GRID2: variants seen among roughly 807,000 people sequenced by gnomAD.
GRID2 encodes glutamate ionotropic receptor delta type subunit 2, also known as glutamate receptor ionotropic, delta-2.
A neutral mutation model predicts 114.8 loss-of-function variants in GRID2; 33 were observed. That is an observed-to-expected ratio of 0.29 (90% CI 0.22 to 0.38). The LOEUF (loss-of-function observed/expected upper bound fraction) is 0.38. GRID2 is among the 10% of genes least tolerant of loss of function. GRID2 has a pLI of 1.00. For missense variants in GRID2, 1,184 were observed against 1,257.7 expected, an observed-to-expected ratio of 0.94 and a Z score of 0.89; for synonymous variants, 505 against 449.9, an observed-to-expected ratio of 1.12 and a Z score of -1.55.
At chr4:93,345,352 A>T (rs1020314654) in intron 8 of GRID2, among the ~76,000 whole-genome samples, 1 of 151,916 alleles carries the variant, frequency 6.6e-6, no homozygotes, top group Admixed American at 6.6e-5. Context: ...CTCTGGTGCA[A>T]AGTGATGTAT....
intron 2 of GRID2, among the ~76,000 whole-genome samples, chr4:93,066,495 A>T (rs1728307841): frequency 6.6e-6 from 1 of 151,896 alleles, no homozygotes; most frequent in South Asian, 2.1e-4. Context: ...CCTCCTCTTA[A>T]ATTAATACAT....
intron 4 of GRID2, among the ~76,000 whole-genome samples, chr4:93,120,674 C>T (rs1241397185): frequency 2.6e-5 from 4 of 152,042 alleles, no homozygotes; most frequent in East Asian, 1.9e-4. Flanking sequence ...ATGATGGGGA[C>T]TGGGCGCGGT....
rs564607344 is a variant in GRID2 at position 93,754,555 on chromosome 4, A to G, written c.2361-14655A>G. 1.2e-3 allele frequency among the ~76,000 whole-genome samples: 180 copies of G among 152,310 alleles called. 1 individual carries two copies. The highest frequency in any genetic ancestry group is 2.1e-3 in the Admixed American group (32 of 15,296). ...TATACCTTTTTGTTCTCATCTAGAAACAAATAGACAGAGTGTAGTATCCAG... is the reference window on the plus strand; with the variant it reads ...TATACCTTTTTGTTCTCATCTAGAAGCAAATAGACAGAGTGTAGTATCCAG... On this transcript the variant is annotated intron_variant, in intron 14 of 15. Transcript: ENST00000282020.
chr4:93,241,462 G>A (rs1249808841), intron 8 of GRID2, among the ~76,000 whole-genome samples: 1 of 151,546 alleles, frequency 6.6e-6, no homozygotes, highest in African/African-American at 2.4e-5. Flanking sequence ...TCAGATTAAG[G>A]AAACTCCATA....
chr4:93,313,370 C>T (rs1277810142), intron 8 of GRID2, among the ~76,000 whole-genome samples: 1 of 152,182 alleles, frequency 6.6e-6, no homozygotes, highest in African/African-American at 2.4e-5. Flanking sequence ...ATTCCCTCTT[C>T]ACAGCAGTCT....
intron 1 of GRID2, among the ~76,000 whole-genome samples, chr4:92,455,075 G>GAATT (rs1245606584): frequency 5.9e-5 from 9 of 152,056 alleles, no homozygotes; most frequent in Admixed American, 1.3e-4. Context: ...CTTTTATATA[G>GAATT]CACCGCTGTA....
intron 2 of GRID2, among the ~76,000 whole-genome samples, chr4:92,991,510 C>T (rs144283122): frequency 2.6e-5 from 4 of 152,258 alleles, no homozygotes; most frequent in Non-Finnish European, 5.9e-5. Flanking sequence ...TGCTGTTTAA[C>T]CACCCAAAGG....
chr4:93,132,297 G>A (rs1478312119), intron 4 of GRID2, among the ~76,000 whole-genome samples: 1 of 152,136 alleles, frequency 6.6e-6, no homozygotes, highest in Non-Finnish European at 1.5e-5. Flanking sequence ...GCAAAAAGTA[G>A]AGCAGAAAGA....
At chr4:92,621,380 C>T (rs1730265936) in intron 2 of GRID2, among the ~76,000 whole-genome samples, 1 of 151,766 alleles carries the variant, frequency 6.6e-6, no homozygotes, top group Non-Finnish European at 1.5e-5. Flanking sequence ...CAACTATTTA[C>T]ATTTTGTGGG....
Position 93,022,245 on chromosome 4 carries a change from A to G in GRID2, c.245-62750A>G, listed in dbSNP as rs1033373707. Among the ~76,000 whole-genome samples the G allele has an allele frequency of 3.9e-5, 6 of 151,938 alleles. 1 individual carries two copies. Among genetic ancestry groups the G allele is most frequent in the South Asian group, 4.1e-4 (2 of 4,834 alleles). ...ACACACACATATATATATGTTTATA[A>G]GTTTGCATAAATATTTATATGTGGG... On this transcript the variant is annotated intron_variant, in intron 2 of 15. Coordinates refer to ENST00000282020, the MANE Select transcript of GRID2 (RefSeq NM_001510.4).
chr4:92,656,938 A>G (rs1003629563), intron 2 of GRID2, among the ~76,000 whole-genome samples: 5 of 151,714 alleles, frequency 3.3e-5, no homozygotes, highest in Admixed American at 1.3e-4. Flanking sequence ...AGGAATATAG[A>G]GGATGCTAAA....
At chr4:93,690,872 C>G (rs1031888232) in intron 14 of GRID2, among the ~76,000 whole-genome samples, 1 of 148,630 alleles carries the variant, frequency 6.7e-6, no homozygotes, top group African/African-American at 2.5e-5. Flanking sequence ...TATGTTATAA[C>G]ATTTTTATGT....
chr4:93,056,556 A>G (rs1727264258), intron 2 of GRID2, among the ~76,000 whole-genome samples: 1 of 152,004 alleles, frequency 6.6e-6, no homozygotes, highest in Non-Finnish European at 1.5e-5. Context: ...GAACTTTCTA[A>G]GTAAACAATG....
chr4:93,311,567 C>A (rs1237457012), intron 8 of GRID2, among the ~76,000 whole-genome samples: 2 of 152,262 alleles, frequency 1.3e-5, no homozygotes, highest in African/African-American at 4.8e-5. Flanking sequence ...TTAAAGCAAG[C>A]TAGCAAATTG....
intron 4 of GRID2, among the ~76,000 whole-genome samples, chr4:93,140,394 C>G (rs982435422): frequency 1.3e-5 from 2 of 152,028 alleles, no homozygotes; most frequent in Non-Finnish European, 2.9e-5. Flanking sequence ...TCCTGACCTC[C>G]TGATCCGCCT....
chr4:93,650,619 CAT>C (rs1722500456), intron 14 of GRID2, among the ~76,000 whole-genome samples: 1 of 152,072 alleles, frequency 6.6e-6, no homozygotes. Context: ...GTGTGTGAAA[CAT>C]AGGAGTTTCT....
At chr4:93,741,191 ATATATATATG>A (rs1402957534) in intron 14 of GRID2, among the ~76,000 whole-genome samples, 977 of 31,706 alleles carry the variant, frequency 0.031, 92 homozygotes, top group African/African-American at 0.091. Flanking sequence ...ATATATATAT[ATATATATATG>A]TATATATATA....
chr4:92,717,780 T>G (rs1333733296), intron 2 of GRID2, among the ~76,000 whole-genome samples: 1 of 152,176 alleles, frequency 6.6e-6, no homozygotes, highest in Non-Finnish European at 1.5e-5. Context: ...TCAAGCAAAT[T>G]GACTTCTAAT....
At chr4:93,071,250 T>A (rs1372897274) in intron 2 of GRID2, among the ~76,000 whole-genome samples, 1 of 152,082 alleles carries the variant, frequency 6.6e-6, no homozygotes, top group Non-Finnish European at 1.5e-5. Context: ...AGGACATGTA[T>A]AGTATATCTA....
Sources: gnomAD v4.1 joint callset for allele counts (sites outside exome capture counted in the v4.1 genomes callset) on GRCh38, gnomAD v4.1.1 for gene constraint, MANE v1.5 for transcripts, NCBI Gene and HGNC (gene_info 2026-07-23, HGNC 2026-07-21) for gene names.